Variants in GLG1 observed in about 807,000 individuals in gnomAD.
GLG1 encodes Golgi apparatus protein 1.
Under a neutral mutation model 160.5 loss-of-function variants are expected in GLG1, and 38 were observed. That is an observed-to-expected ratio of 0.24 (90% CI 0.18 to 0.31). The LOEUF (loss-of-function observed/expected upper bound fraction) is 0.31. Among genes scored for constraint, GLG1 ranks in the 10% least tolerant of loss-of-function variants. The probability of loss-of-function intolerance (pLI) is 1.00; values close to 1 mark genes in which losing one functional copy is unlikely to be tolerated. For synonymous variants in GLG1, 644 were observed against 543.4 expected, an observed-to-expected ratio of 1.19 and a Z score of -2.57; for missense variants, 1,373 against 1,505.2, an observed-to-expected ratio of 0.91 and a Z score of 1.45.
At chr16:74,602,621 A>C (rs1281881118) in intron 1 of GLG1, among the ~76,000 whole-genome samples, 1 of 151,824 alleles carries the variant, frequency 6.6e-6, no homozygotes, top group Non-Finnish European at 1.5e-5. Context: ...GTCTCTACTA[A>C]AAAATACAAA....
chr16:74,474,748 T>C (rs2015337570), intron 12 of GLG1, 116 bp from the exon 13 acceptor site: 1 of 722,014 alleles, frequency 1.4e-6, no homozygotes, highest in Non-Finnish European at 2.5e-6. Flanking sequence ...CTCTTCTTTT[T>C]AAAATTACCT....
intron 1 of GLG1, among the ~76,000 whole-genome samples, chr16:74,557,572 G>A (rs1028703616): frequency 5.9e-5 from 9 of 152,186 alleles, no homozygotes; most frequent in Admixed American, 5.9e-4. Context: ...AGACGCAGAA[G>A]ATTTCAGGAA....
chr16:74,568,484 C>G (rs552079592), intron 1 of GLG1, among the ~76,000 whole-genome samples: 169 of 147,428 alleles, frequency 1.1e-3, no homozygotes, highest in Middle Eastern at 7.0e-3. Flanking sequence ...ATGGCATGAT[C>G]TCGGCTCACT....
intron 7 of GLG1, among the ~76,000 whole-genome samples, chr16:74,491,941 C>G (rs1234582138): frequency 1.3e-5 from 2 of 150,766 alleles, no homozygotes; most frequent in Non-Finnish European, 2.9e-5. Flanking sequence ...AAACTTAAAA[C>G]AAAAAGATTA....
chr16:74,581,717 C>T (rs1329851418), intron 1 of GLG1, among the ~76,000 whole-genome samples: 1 of 151,994 alleles, frequency 6.6e-6, no homozygotes, highest in Non-Finnish European at 1.5e-5. Context: ...TCGAGACCAG[C>T]CTGGCCAACA....
intron 1 of GLG1, among the ~76,000 whole-genome samples, chr16:74,601,409 G>A (rs886706937): frequency 2.7e-5 from 4 of 149,824 alleles, no homozygotes; most frequent in African/African-American, 9.9e-5. Context: ...GCAAGACCTT[G>A]TCTCTCTTAA....
chr16:74,472,763 C>T, intron 13 of GLG1: 1 of 390,556 alleles, frequency 2.6e-6, no homozygotes, highest in Non-Finnish European at 5.0e-6. Context: ...ACAGGGGTAA[C>T]TGATATCCAT....
intron 1 of GLG1, among the ~76,000 whole-genome samples, chr16:74,582,930 T>C (rs1200712081): frequency 6.6e-6 from 1 of 152,174 alleles, no homozygotes; most frequent in Non-Finnish European, 1.5e-5. Context: ...CATGCTCTTT[T>C]CTCAGTCATT....
chr16:74,503,459 G>A (rs1476345197), intron 4 of GLG1, 72 bp downstream of exon 4: 3 of 1,020,556 alleles, frequency 2.9e-6, no homozygotes, highest in East Asian at 4.8e-5. Flanking sequence ...TTTTTCCCAT[G>A]TCAGTTATAC....
At chr16:74,567,992 A>G (rs2018708511) in intron 1 of GLG1, among the ~76,000 whole-genome samples, 1 of 152,224 alleles carries the variant, frequency 6.6e-6, no homozygotes, top group Non-Finnish European at 1.5e-5. Context: ...GATAGAGCAA[A>G]TGAGTCCACA....
chr16:74,563,403 A>T (rs1422898355), intron 1 of GLG1: 1 of 152,164 alleles, frequency 6.6e-6, no homozygotes, highest in Non-Finnish European at 1.5e-5. Flanking sequence ...CTTTTTCCAG[A>T]GTTTGGAGTA....
chr16:74,482,527 G>A (rs868028562), intron 10 of GLG1, among the ~76,000 whole-genome samples: 3 of 151,778 alleles, frequency 2.0e-5, no homozygotes, highest in African/African-American at 4.8e-5. Flanking sequence ...CACCCCCACC[G>A]CTTTTTGTTA....
chr16:74,471,369 C>T, intron 14 of GLG1, 83 bp from the exon 15 acceptor site: 2 of 793,730 alleles, frequency 2.5e-6, no homozygotes, highest in South Asian at 2.9e-5. Context: ...CAAATGCAAG[C>T]AAGGTTAGTT....
intron 2 of GLG1, among the ~76,000 whole-genome samples, chr16:74,522,389 C>T (rs1055069481): frequency 6.6e-6 from 1 of 152,240 alleles, no homozygotes; most frequent in Non-Finnish European, 1.5e-5. Flanking sequence ...TCCACATTCA[C>T]ACAGATACTC....
chr16:74,457,904 A>C lies in GLG1; in HGVS notation c.3235T>G (p.Cys1079Gly). 6.2e-7 allele frequency: 1 copy of C among 1,614,016 alleles called. No homozygotes were observed. The highest frequency in any genetic ancestry group is 8.5e-7 in the Non-Finnish European group (1 of 1,179,888). ...TACALDIKHH[C>G]AAITPGRGRQ... is the part of the protein sequence containing the mutation. ...CCGCGGCCAGGGGTGATGGCTGCGC[A>C]GTGGTGTTTAATGTCCAGGGCACAA... The change falls in exon 24 of 26, where the codon TGC becomes GGC. Residue 1079 changes from cysteine (C) to glycine (G), a missense_variant. Physicochemically the swap from Cys to Gly is radical, Grantham distance 159 (BLOSUM62 -3). Transcript: ENST00000422840.
chr16:74,538,023 A>C (rs1415416000), intron 1 of GLG1, among the ~76,000 whole-genome samples: 1 of 151,802 alleles, frequency 6.6e-6, no homozygotes, highest in Non-Finnish European at 1.5e-5. Context: ...CTGAAACAGA[A>C]ATGCTTGGGA....
At chr16:74,472,069 T>C (rs1391686754) in intron 14 of GLG1, among the ~76,000 whole-genome samples, 1 of 152,128 alleles carries the variant, frequency 6.6e-6, no homozygotes, top group Non-Finnish European at 1.5e-5. Context: ...CACGCCCAGC[T>C]AATTTTTTCT....
chr16:74,458,131 G>A, intron 23 of GLG1, 137 bp from the exon 24 acceptor site: 1 of 733,842 alleles, frequency 1.4e-6, no homozygotes, highest in East Asian at 2.5e-5. Flanking sequence ...GGGACAGGTT[G>A]CAAGGTGGTG....
chr16:74,508,207 T>C (rs2016681913), intron 3 of GLG1, among the ~76,000 whole-genome samples: 1 of 151,708 alleles, frequency 6.6e-6, no homozygotes, highest in African/African-American at 2.4e-5. Context: ...TGGTGTGAGA[T>C]CTATGACTGT....
Sources: allele counts gnomAD v4.1 joint callset (sites outside exome capture counted in the v4.1 genomes callset), GRCh38; gene constraint gnomAD v4.1.1; transcripts MANE v1.5; gene names NCBI Gene and HGNC (gene_info 2026-07-23, HGNC 2026-07-21).